DLG2: variants seen among roughly 807,000 people sequenced by gnomAD.
The protein encoded by DLG2 is disks large homolog 2.
Under a neutral mutation model 132.5 loss-of-function variants are expected in DLG2, and 45 were observed. That is an observed-to-expected ratio of 0.34 (90% confidence interval 0.27 to 0.44). DLG2 has a LOEUF of 0.44. Among genes scored for constraint, DLG2 ranks in the 20% least tolerant of loss-of-function variants. The probability of loss-of-function intolerance (pLI) is 1.00; values close to 1 mark genes in which losing one functional copy is unlikely to be tolerated. For synonymous variants in DLG2, 424 were observed against 419.6 expected, an observed-to-expected ratio of 1.01 and a Z score of -0.13; for missense variants, 1,045 against 1,196.9, an observed-to-expected ratio of 0.87 and a Z score of 1.87.
chr11:83,870,392 T>C (rs932931041), intron 16 of DLG2, among the ~76,000 whole-genome samples: 2 of 152,254 alleles, frequency 1.3e-5, no homozygotes, highest in Non-Finnish European at 2.9e-5. Flanking sequence ...ATTGTTTCAC[T>C]TAAGATAATG....
intron 27 of DLG2, 93 bp downstream of exon 27, chr11:83,461,909 G>A (rs1202464501): frequency 6.0e-6 from 5 of 831,852 alleles, no homozygotes; most frequent in East Asian, 2.5e-5. Context: ...GAAGGTTTTA[G>A]GGCACAAGTA....
chr11:84,146,773 T>G (rs181777412), intron 9 of DLG2, among the ~76,000 whole-genome samples: 93 of 152,256 alleles, frequency 6.1e-4, no homozygotes, highest in African/African-American at 2.1e-3. Flanking sequence ...AAGAGGAATT[T>G]AAGGGAAGGC....
intron 7 of DLG2, among the ~76,000 whole-genome samples, chr11:84,387,254 A>C (rs982976218): frequency 4.6e-5 from 7 of 152,068 alleles, no homozygotes; most frequent in Non-Finnish European, 1.0e-4. Flanking sequence ...CATCTAAATA[A>C]TATAATACAG....
intron 6 of DLG2, among the ~76,000 whole-genome samples, chr11:84,767,048 T>C (rs2153880430): frequency 6.6e-6 from 1 of 152,140 alleles, no homozygotes; most frequent in Admixed American, 6.6e-5. Context: ...ATTGGGAAAG[T>C]CATTAAACCA....
At chr11:84,033,534 G>A (rs548143589) in intron 11 of DLG2, among the ~76,000 whole-genome samples, 1 of 152,200 alleles carries the variant, frequency 6.6e-6, no homozygotes, top group Non-Finnish European at 1.5e-5. Context: ...GTGAAGATGT[G>A]AATATTGTTG....
chr11:83,825,171 AT>A (rs10566177), intron 17 of DLG2, among the ~76,000 whole-genome samples: 55 of 72,574 alleles, frequency 7.6e-4, no homozygotes, highest in East Asian at 2.5e-3. Flanking sequence ...ATATATATAT[AT>A]TTTTTTTTTT....
At chr11:83,684,897 T>A (rs1351870777) in intron 18 of DLG2, among the ~76,000 whole-genome samples, 1 of 152,120 alleles carries the variant, frequency 6.6e-6, no homozygotes, top group African/African-American at 2.4e-5. Flanking sequence ...TCACGAATAA[T>A]CATAATTTTA....
rs1367584774 is a variant in DLG2, at chr11:84,069,204, T to C, written c.750-9720A>G. Among the ~76,000 whole-genome samples the C allele has an allele frequency of 2.6e-5, 4 of 152,306 alleles. No individual in the cohort carries two copies. The East Asian group carries it at 7.7e-4, about 29-fold the overall frequency. On this transcript the variant is annotated intron_variant, in intron 10 of 27. Transcript: ENST00000376104. ...TCCTGGTAATGCTGGACTGAGACCA[T>C]ACTCCAAAAACCACTGCTCTAGGTT... is the stretch of plus-strand genomic sequence containing the variant.
chr11:84,505,993 C>G (rs528431721), intron 7 of DLG2, among the ~76,000 whole-genome samples: 1 of 151,714 alleles, frequency 6.6e-6, no homozygotes, highest in East Asian at 1.9e-4. Context: ...AGTGGCTTTG[C>G]AGATGTGATT....
At chr11:84,130,820 T>G (rs1301064195) in intron 9 of DLG2, among the ~76,000 whole-genome samples, 2 of 151,778 alleles carry the variant, frequency 1.3e-5, no homozygotes, top group Non-Finnish European at 2.9e-5. Flanking sequence ...CAGTTGCTTC[T>G]CTTCTTCAGT....
intron 18 of DLG2, among the ~76,000 whole-genome samples, chr11:83,761,447 A>C (rs2093904192): frequency 6.6e-6 from 1 of 152,212 alleles, no homozygotes; most frequent in Non-Finnish European, 1.5e-5. Flanking sequence ...TTAATTTACA[A>C]TTACAATTTG....
At chr11:83,685,936 T>C (rs968334902) in intron 18 of DLG2, among the ~76,000 whole-genome samples, 7 of 152,070 alleles carry the variant, frequency 4.6e-5, no homozygotes, top group Non-Finnish European at 1.0e-4. Context: ...TTGACTCTCC[T>C]TTTTATCTTA....
At chr11:84,286,335 T>C (rs928733277) in intron 7 of DLG2, among the ~76,000 whole-genome samples, 2 of 152,142 alleles carry the variant, frequency 1.3e-5, no homozygotes, top group African/African-American at 2.4e-5. Context: ...GGGCTTCTCA[T>C]GTAATAGGAG....
chr11:85,147,126 C>G (rs1053454903), intron 5 of DLG2, among the ~76,000 whole-genome samples: 1 of 152,174 alleles, frequency 6.6e-6, no homozygotes, highest in Non-Finnish European at 1.5e-5. Flanking sequence ...ACTGTCTTTC[C>G]TACCTTCTTT....
intron 7 of DLG2, among the ~76,000 whole-genome samples, chr11:84,489,095 G>T (rs2099158098): frequency 6.6e-6 from 1 of 152,058 alleles, no homozygotes; most frequent in Admixed American, 6.6e-5. Flanking sequence ...TAGTTGTTCT[G>T]TCTCTCTTTT....
intron 3 of DLG2, among the ~76,000 whole-genome samples, chr11:85,292,871 C>T (rs1253924933): frequency 1.3e-5 from 2 of 151,836 alleles, no homozygotes; most frequent in Admixed American, 6.6e-5. Flanking sequence ...AGAAAGGGCT[C>T]ACAGGATGAG....
At chr11:84,179,552 C>T (rs1312052320) in intron 8 of DLG2, among the ~76,000 whole-genome samples, 6 of 152,108 alleles carry the variant, frequency 3.9e-5, no homozygotes, top group Non-Finnish European at 8.8e-5. Context: ...AGTCACAGGG[C>T]CGCCACGCTT....
chr11:84,021,795 T>A (rs1462567099), intron 11 of DLG2, among the ~76,000 whole-genome samples: 1 of 151,816 alleles, frequency 6.6e-6, no homozygotes, highest in East Asian at 1.9e-4. Flanking sequence ...TTCGCTCTTG[T>A]TGCCCAGGCT....
chr11:85,522,465 G>C (rs2074391472), intron 3 of DLG2, among the ~76,000 whole-genome samples: 1 of 152,214 alleles, frequency 6.6e-6, no homozygotes. Context: ...GCACTGCCTA[G>C]TGGAGCTGTG....
Sources: allele counts gnomAD v4.1 joint callset (sites outside exome capture counted in the v4.1 genomes callset), GRCh38; gene constraint gnomAD v4.1.1; transcripts MANE v1.5; gene names NCBI Gene and HGNC (gene_info 2026-07-23, HGNC 2026-07-21).